Variants in RASGRF2 observed in about 807,000 individuals in gnomAD.
RASGRF2 encodes the protein Ras protein specific guanine nucleotide releasing factor 2, also known as ras-specific guanine nucleotide-releasing factor 2.
In RASGRF2, 76 loss-of-function variants were observed where a neutral mutation model predicts 151.0. The observed-to-expected ratio is 0.50, with a 90% CI of 0.42 to 0.61. The LOEUF (loss-of-function observed/expected upper bound fraction) is 0.61. Ranked by LOEUF, RASGRF2 falls within the 20% of genes least tolerant of loss-of-function variation. The probability of loss-of-function intolerance (pLI) is 0.00; values close to 1 mark genes in which losing one functional copy is unlikely to be tolerated. For missense variants in RASGRF2, 1,148 were observed against 1,564.6 expected (o/e 0.73, Z 4.49); for synonymous variants, 504 against 566.5 (o/e 0.89, Z 1.57).
chr5:81,124,934 C>G (rs1330489063), intron 16 of RASGRF2, among the ~76,000 whole-genome samples: 1 of 151,668 alleles, frequency 6.6e-6, no homozygotes, highest in Non-Finnish European at 1.5e-5. Flanking sequence ...GTTACCCAGG[C>G]TGGAGTACAG....
chr5:80,982,204 T>A (rs983455458), intron 1 of RASGRF2, among the ~76,000 whole-genome samples: 1 of 152,202 alleles, frequency 6.6e-6, no homozygotes, highest in African/African-American at 2.4e-5. Context: ...TGCTGAGTAT[T>A]GAGGGCTCTA....
intron 1 of RASGRF2, among the ~76,000 whole-genome samples, chr5:80,980,791 T>G (rs1047400924): frequency 6.6e-6 from 1 of 152,130 alleles, no homozygotes; most frequent in East Asian, 1.9e-4. Flanking sequence ...TATTTGAAAA[T>G]TATTTGGGGG....
At chr5:81,004,172 G>A (rs1356951445) in intron 1 of RASGRF2, among the ~76,000 whole-genome samples, 4 of 152,220 alleles carry the variant, frequency 2.6e-5, no homozygotes, top group Non-Finnish European at 4.4e-5. Context: ...GAGCATGTAA[G>A]GTTCTCTGGA....
intron 1 of RASGRF2, among the ~76,000 whole-genome samples, chr5:81,017,057 T>C (rs538957): frequency 0.85 from 129,561 of 152,148 alleles, 55,941 homozygotes; most frequent in African/African-American, 0.96. Context: ...CTTCTTTTCC[T>C]CATGCATGAA....
At position 81,225,779 on chromosome 5, in the gene RASGRF2, C is replaced by T. The variant is rs770171534; in HGVS notation, c.*9C>T. The T allele has an allele frequency of 1.9e-6, 3 of 1,610,444 alleles. No homozygotes were observed. Among genetic ancestry groups the T allele is most frequent in the South Asian group, 2.2e-5 (2 of 90,182 alleles). On this transcript the variant is annotated 3_prime_UTR_variant, in exon 27 of 27. Coordinates refer to ENST00000265080, the MANE Select transcript of RASGRF2 (RefSeq NM_006909.3). ...CTCGACTCCCTGCTTGAAGATCTGG[C>T]CTTGCCCCTGAGTCCACGGGATGTT...
intron 1 of RASGRF2, among the ~76,000 whole-genome samples, chr5:80,994,143 A>C (rs1580176939): frequency 6.6e-6 from 1 of 152,044 alleles, no homozygotes; most frequent in African/African-American, 2.4e-5. Flanking sequence ...GGGCGGGCGG[A>C]TCACGAGGTC....
At chr5:81,062,711 T>G (rs888915879) in intron 2 of RASGRF2, among the ~76,000 whole-genome samples, 1 of 152,248 alleles carries the variant, frequency 6.6e-6, no homozygotes, top group Non-Finnish European at 1.5e-5. Flanking sequence ...CATTGAATAT[T>G]TGCTCCTTGA....
At chr5:81,223,355 G>C (rs1755894559) in intron 26 of RASGRF2, 1 of 149,038 alleles carries the variant, frequency 6.7e-6, no homozygotes, top group South Asian at 2.2e-4. Context: ...AATAAGGCAG[G>C]ACTCAGCCGG....
intron 12 of RASGRF2, among the ~76,000 whole-genome samples, chr5:81,105,989 T>C (rs985291275): frequency 1.3e-5 from 2 of 152,238 alleles, no homozygotes; most frequent in African/African-American, 4.8e-5. Flanking sequence ...ACATAGTAAG[T>C]ACTTGATAAA....
intron 17 of RASGRF2, among the ~76,000 whole-genome samples, chr5:81,145,292 T>C (rs1466317873): frequency 1.3e-5 from 2 of 151,114 alleles, no homozygotes; most frequent in African/African-American, 4.9e-5. Flanking sequence ...GTCACCACCC[T>C]AACCTCTGCC....
intron 1 of RASGRF2, among the ~76,000 whole-genome samples, chr5:81,023,346 A>G (rs1749896957): frequency 6.6e-6 from 1 of 152,226 alleles, no homozygotes; most frequent in East Asian, 1.9e-4. Flanking sequence ...AGTACTTGGT[A>G]ATGTCTGCTC....
At chr5:80,971,109 A>G (rs1747916821) in intron 1 of RASGRF2, among the ~76,000 whole-genome samples, 1 of 152,248 alleles carries the variant, frequency 6.6e-6, no homozygotes, top group African/African-American at 2.4e-5. Flanking sequence ...ACATCAGAAA[A>G]GTACACACAT....
At chr5:81,124,466 A>G (rs913009210) in intron 16 of RASGRF2, among the ~76,000 whole-genome samples, 1 of 152,214 alleles carries the variant, frequency 6.6e-6, no homozygotes, top group African/African-American at 2.4e-5. Context: ...TATTACCATG[A>G]GTCCCAATGT....
At chr5:81,141,364 T>G (rs1005073435) in intron 17 of RASGRF2, among the ~76,000 whole-genome samples, 19 of 152,348 alleles carry the variant, frequency 1.2e-4, no homozygotes, top group African/African-American at 4.1e-4. Context: ...CTCAAAGGTC[T>G]GAGCCTCCCT....
chr5:81,101,594 GATCT>G (rs998322007), intron 12 of RASGRF2, among the ~76,000 whole-genome samples: 6 of 151,624 alleles, frequency 4.0e-5, no homozygotes, highest in Admixed American at 3.3e-4. Flanking sequence ...TAATAAGATC[GATCT>G]ATCTATCATC....
intron 17 of RASGRF2, among the ~76,000 whole-genome samples, chr5:81,133,300 C>T (rs1753670675): frequency 6.6e-6 from 1 of 152,200 alleles, no homozygotes; most frequent in South Asian, 2.1e-4. Context: ...AGGGCTTTAA[C>T]TCTATACAGG....
chr5:80,978,672 A>G (rs1748203500), intron 1 of RASGRF2, among the ~76,000 whole-genome samples: 1 of 152,118 alleles, frequency 6.6e-6, no homozygotes, highest in Non-Finnish European at 1.5e-5. Flanking sequence ...CTGTAATCCC[A>G]GCTACTCAGG....
At chr5:81,034,826 T>C (rs1245999076) in intron 1 of RASGRF2, among the ~76,000 whole-genome samples, 3 of 144,040 alleles carry the variant, frequency 2.1e-5, no homozygotes, top group Non-Finnish European at 4.5e-5. Context: ...AGGGATAGCA[T>C]TGGGAGATAT....
At chr5:80,978,860 T>C (rs535201675) in intron 1 of RASGRF2, among the ~76,000 whole-genome samples, 70 of 152,366 alleles carry the variant, frequency 4.6e-4, no homozygotes, top group African/African-American at 1.6e-3. Context: ...TTCTGATACT[T>C]TACTGAATAT....
Sources: allele counts gnomAD v4.1 joint callset (sites outside exome capture counted in the v4.1 genomes callset), GRCh38; gene constraint gnomAD v4.1.1; transcripts MANE v1.5; gene names NCBI Gene and HGNC (gene_info 2026-07-23, HGNC 2026-07-21).